Variants in MLIP observed in about 807,000 individuals in gnomAD.
MLIP encodes the protein muscular LMNA interacting protein.
MLIP carries 79 observed loss-of-function variants against 84.8 expected under a neutral mutation model. The observed-to-expected ratio is 0.93, with a 90% CI of 0.78 to 1.12. The LOEUF (loss-of-function observed/expected upper bound fraction) is 1.12. MLIP is among the 50% of genes most tolerant of loss of function. MLIP has a pLI of 0.00. For synonymous variants in MLIP, 504 were observed against 463.0 expected (o/e 1.09, Z -1.14); for missense variants, 1,257 against 1,160.6 (o/e 1.08, Z -1.21).
At chr6:54,116,131 G>T (rs1223369394) in intron 1 of MLIP, among the ~76,000 whole-genome samples, 1 of 152,106 alleles carries the variant, frequency 6.6e-6, no homozygotes, top group Non-Finnish European at 1.5e-5. Context: ...TGGGTTAAAA[G>T]GCGTGCTCAT....
At chr6:54,056,142 T>G (rs1765648009) in intron 1 of MLIP, among the ~76,000 whole-genome samples, 1 of 152,204 alleles carries the variant, frequency 6.6e-6, no homozygotes. Context: ...TCTACAAGCA[T>G]CCTACCCATC....
At chr6:54,037,214 G>A (rs1452068615) in intron 1 of MLIP, among the ~76,000 whole-genome samples, 1 of 151,994 alleles carries the variant, frequency 6.6e-6, no homozygotes, top group African/African-American at 2.4e-5. Context: ...AATGCTTACA[G>A]TGTCTCTACA....
chr6:54,219,155 G>A (rs1490931014), intron 11 of MLIP, among the ~76,000 whole-genome samples: 1 of 151,604 alleles, frequency 6.6e-6, no homozygotes. Flanking sequence ...GTAGTGAGCC[G>A]AGATCATGCC....
rs373068590 is a variant in MLIP at position 54,154,720 on chromosome 6, T to C, written c.2289+5593T>C. 7.9e-5 allele frequency among the ~76,000 whole-genome samples: 12 copies of C among 152,324 alleles called. 1 individual carries two copies. The highest frequency in any genetic ancestry group is 2.6e-4 in the African/African-American group (11 of 41,582). On this transcript the variant is annotated intron_variant, in intron 5 of 13. Coordinates refer to ENST00000502396, the MANE Select transcript of MLIP (RefSeq NM_001281747.2). ...CTTGTTTTCATTACTTGCTAAAATA[T>C]ATTTATATCTTCATTAAATGAGAGC...
Position 54,266,028 on chromosome 6 carries a change from TAAC to T in MLIP, c.*74_*76del. The T allele has an allele frequency of 6.6e-7, 1 of 1,504,066 alleles. No homozygotes were observed. The allele number at this position is 1,504,066 out of a possible 1,614,324, so 93.2% of individuals were successfully genotyped here. A position where few individuals can be genotyped will look rare whatever the true frequency, so the allele number is the denominator to read the frequency against. Reference sequence around the variant, plus strand: ...GCTGGTGCTAACCACTTGCTAGATTTAACTTTTTTTTTTTTTTCCAGAATGAGT... The same window carrying T: ...GCTGGTGCTAACCACTTGCTAGATTTTTTTTTTTTTTTTTCCAGAATGAGT... On this transcript the variant is annotated 3_prime_UTR_variant, in exon 14 of 14. Transcript: ENST00000502396.
At chr6:54,071,165 A>G (rs1489307418) in intron 1 of MLIP, among the ~76,000 whole-genome samples, 1 of 152,106 alleles carries the variant, frequency 6.6e-6, no homozygotes, top group African/African-American at 2.4e-5. Context: ...CATAAAAATA[A>G]TAAATTTATA....
At chr6:54,038,580 CT>C (rs1251556503) in intron 1 of MLIP, among the ~76,000 whole-genome samples, 2 of 151,238 alleles carry the variant, frequency 1.3e-5, no homozygotes, top group African/African-American at 4.9e-5. Flanking sequence ...ATTTTTTTGG[CT>C]TTAAGATTTT....
chr6:54,247,307 T>G (rs899849497), intron 12 of MLIP, among the ~76,000 whole-genome samples: 2 of 152,292 alleles, frequency 1.3e-5, no homozygotes, highest in Admixed American at 1.3e-4. Flanking sequence ...AAATACCTCA[T>G]TTATTTTATC....
At chr6:54,060,630 A>G (rs184267995) in intron 1 of MLIP, among the ~76,000 whole-genome samples, 3 of 152,306 alleles carry the variant, frequency 2.0e-5, no homozygotes, top group Non-Finnish European at 4.4e-5. Flanking sequence ...ATATCTTTAG[A>G]TGAAAATCTA....
chr6:54,223,315 C>A (rs77781427), intron 11 of MLIP, among the ~76,000 whole-genome samples: 280 of 6,832 alleles, frequency 0.041, no homozygotes, highest in Non-Finnish European at 0.065. Context: ...AACAAACAAA[C>A]AAAATACCCA....
At chr6:54,036,934 G>A (rs1764479432) in intron 1 of MLIP, among the ~76,000 whole-genome samples, 1 of 151,984 alleles carries the variant, frequency 6.6e-6, no homozygotes, top group Non-Finnish European at 1.5e-5. Flanking sequence ...GGGGTGTTGG[G>A]ATTAGGGGAG....
chr6:54,236,549 C>A (rs891766065), intron 12 of MLIP, among the ~76,000 whole-genome samples: 2 of 151,250 alleles, frequency 1.3e-5, no homozygotes, highest in Non-Finnish European at 2.9e-5. Flanking sequence ...TTGCAGTGAG[C>A]CGAGATCACT....
At chr6:54,174,638 T>A (rs190947083) in intron 9 of MLIP, among the ~76,000 whole-genome samples, 38 of 152,224 alleles carry the variant, frequency 2.5e-4, no homozygotes, top group Non-Finnish European at 3.5e-4. Context: ...TTATATATTC[T>A]GGTTATTAAT....
At chr6:54,227,075 C>T (rs1780626039) in intron 11 of MLIP, among the ~76,000 whole-genome samples, 1 of 152,150 alleles carries the variant, frequency 6.6e-6, no homozygotes, top group Non-Finnish European at 1.5e-5. Flanking sequence ...GTTGTCATGA[C>T]AGTGAGACAG....
At chr6:54,058,456 G>A (rs1013875165) in intron 1 of MLIP, among the ~76,000 whole-genome samples, 55 of 152,178 alleles carry the variant, frequency 3.6e-4, no homozygotes, top group African/African-American at 1.3e-3. Context: ...TCTGTCTGGA[G>A]AAAGGGTAGC....
intron 12 of MLIP, among the ~76,000 whole-genome samples, chr6:54,235,224 T>C (rs1478759742): frequency 1.3e-5 from 2 of 152,234 alleles, no homozygotes; most frequent in East Asian, 1.9e-4. Flanking sequence ...TTATTATTAT[T>C]CTTTTACTTT....
In MLIP at chr6:54,230,148, A is replaced by C. The variant is rs9370273; in HGVS notation, c.2719-566A>C. Among the ~76,000 whole-genome samples, 431 of 152,310 alleles carry C rather than the reference A, an allele frequency of 2.8e-3. 6 individuals carry two copies. Among genetic ancestry groups the C allele is most frequent in the South Asian group, 0.021 (99 of 4,826 alleles). On this transcript the variant is annotated intron_variant, in intron 11 of 13. Coordinates refer to ENST00000502396, the MANE Select transcript of MLIP (RefSeq NM_001281747.2). Reference sequence around the variant, plus strand: ...AAAACAACACATTGCCTAGAATTGAAGACCTTATTCATTCTTTCCAGACCC... The same window carrying C: ...AAAACAACACATTGCCTAGAATTGACGACCTTATTCATTCTTTCCAGACCC...
intron 1 of MLIP, among the ~76,000 whole-genome samples, chr6:54,113,316 T>C (rs896666111): frequency 6.6e-6 from 1 of 152,188 alleles, no homozygotes; most frequent in Non-Finnish European, 1.5e-5. Context: ...ACTACTTCAG[T>C]AATTTCCTTG....
intron 5 of MLIP, among the ~76,000 whole-genome samples, chr6:54,154,740 G>C (rs1263837750): frequency 1.3e-5 from 2 of 152,104 alleles, no homozygotes; most frequent in African/African-American, 4.8e-5. Context: ...TTCATTAAAT[G>C]AGAGCAAGAA....
Sources: allele counts gnomAD v4.1 joint callset (sites outside exome capture counted in the v4.1 genomes callset), GRCh38; gene constraint gnomAD v4.1.1; transcripts MANE v1.5; gene names NCBI Gene and HGNC (gene_info 2026-07-23, HGNC 2026-07-21).